The following ATP9B variants were observed in gnomAD, a reference collection of about 807,000 sequenced individuals.
ATP9B encodes the protein probable phospholipid-transporting ATPase IIB.
ATP9B carries 110 observed loss-of-function variants against 146.1 expected under a neutral mutation model. The ratio of observed to expected loss-of-function variants is 0.75; its 90% CI spans 0.65 to 0.88. The LOEUF is 0.88. Among genes scored for constraint, ATP9B ranks in the 40% least tolerant of loss-of-function variants. The pLI, the probability that ATP9B is intolerant of heterozygous loss-of-function variation, is 0.00. For synonymous variants in ATP9B, 604 were observed against 569.7 expected, an observed-to-expected ratio of 1.06 and a Z score of -0.86; for missense variants, 1,499 against 1,496.4, an observed-to-expected ratio of 1.00 and a Z score of -0.03.
In ATP9B at chr18:79,110,234, G is replaced by A. The variant is rs900807316; in HGVS notation, c.294-121G>A. 9.1e-6 allele frequency: 8 copies of A among 881,500 alleles called. No homozygotes were observed. The African/African-American group carries it at 1.4e-4, about 16-fold the overall frequency. 54.6% of individuals were successfully genotyped at this position (881,500 alleles called of 1,614,324 possible). A position where few individuals can be genotyped will look rare whatever the true frequency, so the allele number is the denominator to read the frequency against. ...AAAACCCCACAAATTAGCATTAGGT[G>A]TGCTATTAGTGTGTGGTGAATACAG... is the stretch of plus-strand genomic sequence containing the variant. On this transcript the variant is annotated intron_variant, in intron 2 of 29. Transcript: ENST00000426216.
intron 11 of ATP9B, among the ~76,000 whole-genome samples, chr18:79,242,830 TTAAAA>T (rs2095902671): frequency 6.6e-6 from 1 of 152,218 alleles, no homozygotes; most frequent in South Asian, 2.1e-4. Flanking sequence ...TTTAGATGGT[TTAAAA>T]TAATGTTGCA....
At chr18:79,323,812 G>A (rs1430812895) in intron 15 of ATP9B, among the ~76,000 whole-genome samples, 4 of 152,172 alleles carry the variant, frequency 2.6e-5, no homozygotes, top group Non-Finnish European at 4.4e-5. Context: ...TTTCTTTGGG[G>A]GATATTCCCA....
In ATP9B at chr18:79,110,431, G is replaced by A. The variant is rs1461991123; in HGVS notation, c.370G>A (p.Glu124Lys). ...TCGCACAGTATGGCTTGGATGTCCTGAAAAGTGTGAAGAAAAACATCCCAG... is the reference window on the plus strand; with the variant it reads ...TCGCACAGTATGGCTTGGATGTCCTAAAAAGTGTGAAGAAAAACATCCCAG... ...KARTVWLGCPEKCEEKHPRNS... is the reference protein window; with the variant it reads ...KARTVWLGCPKKCEEKHPRNS... The change falls in exon 3 of 30, where the codon GAA becomes AAA. Residue 124 changes from glutamate (E) to lysine (K), a missense_variant. By Grantham distance (56) the Glu-to-Lys change is moderately conservative. Coordinates refer to ENST00000426216, the MANE Select transcript of ATP9B (RefSeq NM_198531.5). The A allele has an allele frequency of 4.3e-6, 7 of 1,612,694 alleles. No individual in the cohort carries two copies. Among genetic ancestry groups the A allele is most frequent in the Non-Finnish European group, 5.9e-6 (7 of 1,179,098 alleles).
chr18:79,268,513 T>C (rs1391996331), intron 12 of ATP9B, among the ~76,000 whole-genome samples: 2 of 152,208 alleles, frequency 1.3e-5, no homozygotes, highest in Non-Finnish European at 1.5e-5. Flanking sequence ...TCTGTTCTTT[T>C]AGTAGTTACC....
At chr18:79,180,828 T>C (rs1433837597) in intron 8 of ATP9B, among the ~76,000 whole-genome samples, 1 of 152,058 alleles carries the variant, frequency 6.6e-6, no homozygotes, top group Non-Finnish European at 1.5e-5. Context: ...AGTCTCGCTC[T>C]GTCACAGAGG....
At chr18:79,127,142 A>G (rs2094300844) in intron 5 of ATP9B, among the ~76,000 whole-genome samples, 1 of 152,200 alleles carries the variant, frequency 6.6e-6, no homozygotes, top group African/African-American at 2.4e-5. Context: ...GAATTATTTA[A>G]CTTGAAATAG....
chr18:79,376,040 C>G, intron 29 of ATP9B: 1 of 985,090 alleles, frequency 1.0e-6, no homozygotes, highest in South Asian at 4.7e-5. Context: ...GGGTGACAGG[C>G]GAGAACATTC....
At chr18:79,262,852 C>CT (rs2096158328) in intron 12 of ATP9B, among the ~76,000 whole-genome samples, 1 of 152,138 alleles carries the variant, frequency 6.6e-6, no homozygotes, top group South Asian at 2.1e-4. Flanking sequence ...GTATAAATCT[C>CT]TTATTAGTTA....
chr18:79,327,704 CT>C (rs2096762546), intron 15 of ATP9B, among the ~76,000 whole-genome samples: 5 of 108,928 alleles, frequency 4.6e-5, no homozygotes, highest in African/African-American at 1.6e-4. Context: ...GGTTAGTGTG[CT>C]CTCTCCATGG....
At chr18:79,113,586 T>G (rs904733436) in intron 4 of ATP9B, among the ~76,000 whole-genome samples, 2 of 152,226 alleles carry the variant, frequency 1.3e-5, no homozygotes, top group African/African-American at 4.8e-5. Flanking sequence ...GTGCCTGAGC[T>G]GGCAGCAGAG....
At chr18:79,146,736 G>GC in intron 6 of ATP9B, 1 of 164,782 alleles carries the variant, frequency 6.1e-6, no homozygotes, top group Non-Finnish European at 1.3e-5. Flanking sequence ...TGTGTTAAGG[G>GC]AGTTCGTTCC....
intron 11 of ATP9B, among the ~76,000 whole-genome samples, chr18:79,218,341 C>G (rs896526453): frequency 2.0e-5 from 3 of 147,074 alleles, no homozygotes; most frequent in African/African-American, 5.1e-5. Flanking sequence ...CAGGTCTGGC[C>G]AGGCTGGCAG....
chr18:79,368,808 T>C (rs1461821757), intron 26 of ATP9B, among the ~76,000 whole-genome samples: 1 of 151,960 alleles, frequency 6.6e-6, no homozygotes, highest in Non-Finnish European at 1.5e-5. Context: ...ACCAGCATAC[T>C]CCGTCGTTGG....
At position 79,375,855 on chromosome 18, in the gene ATP9B, G is replaced by C. The variant is rs930145883; in HGVS notation, c.3307+429G>C. ...CAAAGGCCTCTAACTCTGCTCCATAGATCTTTTTATCCCATCCGGCAACAG... is the reference window on the plus strand; with the variant it reads ...CAAAGGCCTCTAACTCTGCTCCATACATCTTTTTATCCCATCCGGCAACAG... On this transcript the variant is annotated intron_variant, in intron 29 of 29. Coordinates refer to ENST00000426216, the MANE Select transcript of ATP9B (RefSeq NM_198531.5). The C allele has an allele frequency of 5.1e-6, 5 of 985,256 alleles. No homozygotes were observed. In the African/African-American group the frequency reaches 7.0e-5, roughly 14 times the overall value. 61.0% of individuals were successfully genotyped at this position (985,256 alleles called of 1,614,324 possible).
At chr18:79,158,289 G>T (rs1242067000) in intron 7 of ATP9B, among the ~76,000 whole-genome samples, 2 of 151,020 alleles carry the variant, frequency 1.3e-5, no homozygotes, top group Non-Finnish European at 3.0e-5. Flanking sequence ...TTTTATTTTT[G>T]TAGAGACAGG....
At chr18:79,328,260 A>G (rs1568704719) in intron 15 of ATP9B, among the ~76,000 whole-genome samples, 2 of 152,202 alleles carry the variant, frequency 1.3e-5, no homozygotes, top group East Asian at 1.9e-4. Context: ...GGCATACCCT[A>G]TTTATCTGAT....
intron 7 of ATP9B, among the ~76,000 whole-genome samples, chr18:79,164,204 C>CTCACTCACA (rs1395245549): frequency 2.0e-5 from 3 of 152,144 alleles, no homozygotes; most frequent in Non-Finnish European, 4.4e-5. Context: ...AGGTTACAGA[C>CTCACTCACA]GTGAGTCACT....
Position 79,239,477 on chromosome 18 carries a change from T to C in ATP9B, c.1108-13904T>C, listed in dbSNP as rs535973390. On this transcript the variant is annotated intron_variant, in intron 11 of 29. Coordinates refer to ENST00000426216, the MANE Select transcript of ATP9B (RefSeq NM_198531.5). This position sits in a 1 kb window ranked among gnomAD's most constrained non-coding sequence, Gnocchi z 5.1. ...TATGAGCACCGCCAGCCAAGTCTGC[T>C]GTGGCAGGGACAGGGACGTAGGACG... Among the ~76,000 whole-genome samples, 7 of 152,338 alleles carry C rather than the reference T, an allele frequency of 4.6e-5. No homozygotes were observed. Among genetic ancestry groups the C allele is most frequent in the South Asian group, 2.1e-4 (1 of 4,824 alleles).
chr18:79,098,540 AAAAC>A (rs1372412223), intron 2 of ATP9B, among the ~76,000 whole-genome samples: 3 of 151,734 alleles, frequency 2.0e-5, no homozygotes, highest in Non-Finnish European at 2.9e-5. Flanking sequence ...TTACAAGAAG[AAAAC>A]AAACAACCCC....
Sources: gnomAD v4.1 joint callset for allele counts (sites outside exome capture counted in the v4.1 genomes callset) on GRCh38, gnomAD v4.1.1 for gene constraint, Gnocchi (gnomAD v3.1) non-coding constraint, MANE v1.5 for transcripts, NCBI Gene and HGNC (gene_info 2026-07-23, HGNC 2026-07-21) for gene names.